The following LUZP2 variants were observed in gnomAD, a reference collection of about 807,000 sequenced individuals.
LUZP2 encodes the protein leucine zipper protein 2.
A neutral mutation model predicts 51.6 loss-of-function variants in LUZP2; 52 were observed. The observed-to-expected ratio is 1.01, with a 90% CI of 0.81 to 1.27. LUZP2 has a LOEUF of 1.27. LUZP2 is among the 50% of genes most tolerant of loss of function. The probability of loss-of-function intolerance (pLI) is 0.00; values close to 1 mark genes in which losing one functional copy is unlikely to be tolerated. For synonymous variants in LUZP2, 154 were observed against 137.3 expected (o/e 1.12, Z -0.85); for missense variants, 436 against 395.4 (o/e 1.10, Z -0.87).
intron 1 of LUZP2, among the ~76,000 whole-genome samples, chr11:24,678,785 G>A (rs1031352609): frequency 4.6e-5 from 7 of 152,140 alleles, no homozygotes; most frequent in South Asian, 2.1e-4. Flanking sequence ...ACAGCACGTC[G>A]CCCAATGTTA....
At chr11:24,802,408 A>G (rs896799628) in intron 5 of LUZP2, among the ~76,000 whole-genome samples, 1 of 152,032 alleles carries the variant, frequency 6.6e-6, no homozygotes, top group East Asian at 1.9e-4. Flanking sequence ...GACTGTATAG[A>G]CACATTTATG....
intron 5 of LUZP2, among the ~76,000 whole-genome samples, chr11:24,824,393 A>AAAAAAAT (rs1590597274): frequency 7.0e-6 from 1 of 143,668 alleles, no homozygotes; most frequent in Non-Finnish European, 1.5e-5. Flanking sequence ...AAAAAAAAAA[A>AAAAAAAT]TGAGTGGTAC....
chr11:24,787,664 T>G (rs946249344), intron 5 of LUZP2, among the ~76,000 whole-genome samples: 18 of 152,328 alleles, frequency 1.2e-4, no homozygotes, highest in African/African-American at 3.6e-4. Flanking sequence ...CTATTTATTT[T>G]CTATGCAAGA....
chr11:24,674,009 T>A (rs1856473578), intron 1 of LUZP2, among the ~76,000 whole-genome samples: 1 of 152,220 alleles, frequency 6.6e-6, no homozygotes, highest in African/African-American at 2.4e-5. Context: ...ACATTGCTAA[T>A]CATCTTTCAA....
intron 8 of LUZP2, among the ~76,000 whole-genome samples, chr11:24,979,071 C>T (rs980200541): frequency 6.6e-6 from 1 of 151,692 alleles, no homozygotes; most frequent in African/African-American, 2.4e-5. Flanking sequence ...TTATGTCTCA[C>T]TGGAAATAAC....
chr11:24,505,448 T>C (rs544308531), intron 1 of LUZP2, among the ~76,000 whole-genome samples: 2 of 152,256 alleles, frequency 1.3e-5, no homozygotes, highest in South Asian at 4.1e-4. Context: ...ACAGTGCCTC[T>C]CTCATAGATA....
intron 7 of LUZP2, among the ~76,000 whole-genome samples, chr11:24,924,713 C>T (rs540209739): frequency 6.6e-6 from 1 of 152,214 alleles, no homozygotes; most frequent in South Asian, 2.1e-4. Flanking sequence ...AGATATAATA[C>T]ATACATGTAA....
intron 5 of LUZP2, among the ~76,000 whole-genome samples, chr11:24,837,029 T>C (rs772618560): frequency 7.3e-5 from 10 of 137,348 alleles, no homozygotes; most frequent in Non-Finnish European, 1.4e-4. Flanking sequence ...AAACACAAGC[T>C]ATTGACAACC....
chr11:24,857,346 A>G (rs1851602926), intron 5 of LUZP2, among the ~76,000 whole-genome samples: 1 of 149,094 alleles, frequency 6.7e-6, no homozygotes, highest in Non-Finnish European at 1.5e-5. Flanking sequence ...TATATAATAT[A>G]TATGTTTTTC....
chr11:24,701,586 G>A (rs1044831369), intron 1 of LUZP2: 3 of 153,644 alleles, frequency 2.0e-5, no homozygotes, highest in Admixed American at 6.5e-5. Context: ...ATTATACATA[G>A]TGTCTCAACA....
intron 1 of LUZP2, among the ~76,000 whole-genome samples, chr11:24,515,312 T>C (rs933934375): frequency 3.3e-5 from 5 of 152,208 alleles, no homozygotes; most frequent in African/African-American, 1.2e-4. Flanking sequence ...TACAGAAGTT[T>C]AGTCTACTGA....
At chr11:24,675,789 A>ATTTATT (rs376929981) in intron 1 of LUZP2, among the ~76,000 whole-genome samples, 1,439 of 136,752 alleles carry the variant, frequency 0.011, 18 homozygotes, top group African/African-American at 0.023. Context: ...TCTTTTTTTT[A>ATTTATT]TATTTATTTA....
chr11:24,987,392 T>A (rs1461540629), intron 9 of LUZP2, among the ~76,000 whole-genome samples: 2 of 151,888 alleles, frequency 1.3e-5, no homozygotes, highest in African/African-American at 4.8e-5. Context: ...GTACATGTCA[T>A]AAAGAAAGGA....
At chr11:24,535,131 A>G (rs1212861083) in intron 1 of LUZP2, among the ~76,000 whole-genome samples, 1 of 104,318 alleles carries the variant, frequency 9.6e-6, no homozygotes, top group East Asian at 4.8e-4. Context: ...AAAATACTTC[A>G]TTGCTTAAAA....
intron 1 of LUZP2, among the ~76,000 whole-genome samples, chr11:24,608,805 T>G (rs1426337694): frequency 6.6e-6 from 1 of 152,194 alleles, no homozygotes; most frequent in Non-Finnish European, 1.5e-5. Flanking sequence ...TACAATTATC[T>G]TCCAAATAAT....
intron 1 of LUZP2, among the ~76,000 whole-genome samples, chr11:24,673,842 A>G (rs1375180556): frequency 2.0e-5 from 3 of 152,098 alleles, no homozygotes; most frequent in Non-Finnish European, 4.4e-5. Context: ...GGATTATTTT[A>G]TTGTTCTCAC....
intron 1 of LUZP2, among the ~76,000 whole-genome samples, chr11:24,596,521 C>A (rs924909053): frequency 2.6e-5 from 4 of 152,008 alleles, no homozygotes; most frequent in South Asian, 2.1e-4. Flanking sequence ...ACTATATAGG[C>A]AAATATACTG....
At chr11:25,044,085 A>C (rs1000351522) in intron 9 of LUZP2, among the ~76,000 whole-genome samples, 12 of 22,954 alleles carry the variant, frequency 5.2e-4, no homozygotes, top group African/African-American at 1.3e-3. Context: ...TGATAAGACT[A>C]TATATATATC....
intron 10 of LUZP2, among the ~76,000 whole-genome samples, chr11:25,059,974 A>G (rs2134037532): frequency 6.6e-6 from 1 of 152,282 alleles, no homozygotes; most frequent in Non-Finnish European, 1.5e-5. Flanking sequence ...TGAGCACCTA[A>G]TATGTGCAAG....
Sources: allele counts gnomAD v4.1 joint callset (sites outside exome capture counted in the v4.1 genomes callset), GRCh38; gene constraint gnomAD v4.1.1; transcripts MANE v1.5; gene names NCBI Gene and HGNC (gene_info 2026-07-23, HGNC 2026-07-21).